Variants in GPC6 observed in about 807,000 individuals in gnomAD.
GPC6 encodes glypican-6.
In GPC6, 14 loss-of-function variants were observed where a neutral mutation model predicts 55.2. The ratio of observed to expected loss-of-function variants is 0.25; its 90% confidence interval spans 0.17 to 0.40. GPC6 has a LOEUF of 0.40. Ranked by LOEUF, GPC6 falls within the 10% of genes least tolerant of loss-of-function variation. The pLI, the probability that GPC6 is intolerant of heterozygous loss-of-function variation, is 1.00. For missense variants in GPC6, 641 were observed against 708.5 expected, an observed-to-expected ratio of 0.90 and a Z score of 1.08; for synonymous variants, 278 against 259.6, an observed-to-expected ratio of 1.07 and a Z score of -0.68.
intron 1 of GPC6, among the ~76,000 whole-genome samples, chr13:93,498,721 C>A (rs2139368947): frequency 6.6e-6 from 1 of 152,212 alleles, no homozygotes; most frequent in African/African-American, 2.4e-5. Context: ...TCTTTTTGTT[C>A]CCAGTTTCGG....
At chr13:93,640,608 A>G (rs375187373) in intron 2 of GPC6, among the ~76,000 whole-genome samples, 174 of 152,168 alleles carry the variant, frequency 1.1e-3, no homozygotes, top group African/African-American at 3.9e-3. Flanking sequence ...CTGAGGCACT[A>G]TATAGCCACT....
chr13:94,398,727 A>G, intron 8 of GPC6, 86 bp downstream of exon 8: 1 of 1,044,194 alleles, frequency 9.6e-7, no homozygotes, highest in Non-Finnish European at 1.5e-6. Context: ...CAAGAGCAAT[A>G]TGCCCTTTTA....
chr13:93,272,233 AT>A (rs1467475871), intron 1 of GPC6, among the ~76,000 whole-genome samples: 1 of 151,984 alleles, frequency 6.6e-6, no homozygotes, highest in African/African-American at 2.4e-5. Flanking sequence ...TTCAGTGGTA[AT>A]TTTAATGACT....
At chr13:94,207,126 C>G (rs1257042087) in intron 4 of GPC6, among the ~76,000 whole-genome samples, 1 of 152,100 alleles carries the variant, frequency 6.6e-6, no homozygotes, top group Non-Finnish European at 1.5e-5. Flanking sequence ...AACCACAATA[C>G]AGGCTTTTCC....
At chr13:93,901,671 G>A (rs760594910) in intron 3 of GPC6, among the ~76,000 whole-genome samples, 7 of 151,964 alleles carry the variant, frequency 4.6e-5, no homozygotes, top group Non-Finnish European at 1.0e-4. Flanking sequence ...GGAAGGCAGA[G>A]GTAGGTGGAT....
intron 1 of GPC6, among the ~76,000 whole-genome samples, chr13:93,255,915 C>T (rs1239810506): frequency 6.6e-6 from 1 of 152,026 alleles, no homozygotes; most frequent in Non-Finnish European, 1.5e-5. Context: ...TGATGGATTA[C>T]TGGAGGCCAG....
At chr13:94,079,606 C>T (rs1328990308) in intron 4 of GPC6, among the ~76,000 whole-genome samples, 2 of 152,164 alleles carry the variant, frequency 1.3e-5, no homozygotes, top group Non-Finnish European at 2.9e-5. Flanking sequence ...ATATTTCTAA[C>T]TAATAGGACA....
chr13:93,235,481 A>G (rs1453699996), intron 1 of GPC6, among the ~76,000 whole-genome samples: 1 of 151,974 alleles, frequency 6.6e-6, no homozygotes, highest in Non-Finnish European at 1.5e-5. Context: ...TGGATTAGAG[A>G]AAAGATCATT....
At position 94,248,691 on chromosome 13, in the gene GPC6, G is replaced by GAC. The variant is rs147256958; in HGVS notation, c.878-37657_878-37656insCA. Among the ~76,000 whole-genome samples, 1,040 of 151,868 alleles carry GAC rather than the reference G, an allele frequency of 6.8e-3. 17 individuals are homozygous for GAC. Among genetic ancestry groups the GAC allele is most frequent in the African/African-American group, 0.024 (985 of 41,440 alleles). ...TTTCAGGCTGAGAGAGAGAGAGAGA[G>GAC]AGAGAGGTTTATAAATTATTTTGAC... On this transcript the variant is annotated intron_variant, in intron 4 of 8. Transcript: ENST00000377047.
chr13:94,028,290 T>G (rs1882982190), intron 4 of GPC6, among the ~76,000 whole-genome samples: 1 of 152,012 alleles, frequency 6.6e-6, no homozygotes, highest in African/African-American at 2.4e-5. Context: ...TATGATGACT[T>G]TTAGAGACTA....
chr13:93,695,870 A>C (rs1311824800), intron 2 of GPC6, among the ~76,000 whole-genome samples: 1 of 152,050 alleles, frequency 6.6e-6, no homozygotes, highest in Non-Finnish European at 1.5e-5. Context: ...TTTTCCACCC[A>C]TTTTTGTTCT....
At chr13:93,462,639 A>C (rs571634916) in intron 1 of GPC6, among the ~76,000 whole-genome samples, 1 of 99,540 alleles carries the variant, frequency 1.0e-5, no homozygotes, top group African/African-American at 3.5e-5. Flanking sequence ...GTAAAAATTG[A>C]AAAAAAAAAC....
At chr13:93,560,624 G>A (rs1056664167) in intron 2 of GPC6, among the ~76,000 whole-genome samples, 4 of 152,076 alleles carry the variant, frequency 2.6e-5, no homozygotes, top group African/African-American at 4.8e-5. Flanking sequence ...GAGAGGCCAA[G>A]GCGGGCGGAT....
intron 3 of GPC6, among the ~76,000 whole-genome samples, chr13:93,845,970 A>T (rs1224953334): frequency 1.3e-5 from 2 of 151,916 alleles, no homozygotes; most frequent in African/African-American, 4.8e-5. Context: ...GTACCCTAAA[A>T]CTTAAAGTAT....
intron 4 of GPC6, among the ~76,000 whole-genome samples, chr13:94,178,036 T>TTTTTTTTTTTTTTTTTTGTTG: frequency 6.6e-6 from 1 of 150,586 alleles, no homozygotes; most frequent in Admixed American, 6.6e-5. Flanking sequence ...TTTTTTTTTT[T>TTTTTTTTTTTTTTTTTTGTTG]GAGATGGAGT....
chr13:93,693,619 C>T (rs925524302), intron 2 of GPC6, among the ~76,000 whole-genome samples: 10 of 152,006 alleles, frequency 6.6e-5, no homozygotes, highest in African/African-American at 9.7e-5. Context: ...GCTGGGACTA[C>T]GGGCATGCAC....
chr13:94,372,893 T>TGGGTCCC (rs979143166), intron 6 of GPC6, among the ~76,000 whole-genome samples: 1 of 151,922 alleles, frequency 6.6e-6, no homozygotes, highest in Non-Finnish European at 1.5e-5. Context: ...CCTCCTCAAG[T>TGGGTCCC]GGGTCCCTGA....
At position 93,400,105 on chromosome 13, in the gene GPC6, G is replaced by A. The variant is rs554036368; in HGVS notation, c.161-145158G>A. Among the ~76,000 whole-genome samples, 24 of 152,182 alleles carry A rather than the reference G, an allele frequency of 1.6e-4. No homozygotes were observed. In the South Asian group the frequency reaches 2.1e-3, roughly 13 times the overall value. On this transcript the variant is annotated intron_variant, in intron 1 of 8. Transcript: ENST00000377047. The stretch of plus-strand genomic sequence containing the variant: ...ACCTGCAGGTCTTAAAGTGGTTGAC[G>A]GGGAGATGCAGCTAGCCATTTGAGG...
chr13:94,217,716 G>A (rs760740911), intron 4 of GPC6, among the ~76,000 whole-genome samples: 3 of 152,156 alleles, frequency 2.0e-5, no homozygotes, highest in Non-Finnish European at 2.9e-5. Context: ...ACATTAAAAA[G>A]AAGCATAAAT....
Sources: gnomAD v4.1 joint callset for allele counts (sites outside exome capture counted in the v4.1 genomes callset) on GRCh38, gnomAD v4.1.1 for gene constraint, MANE v1.5 for transcripts, NCBI Gene and HGNC (gene_info 2026-07-23, HGNC 2026-07-21) for gene names.